Variants in TBCEL observed in about 807,000 individuals in gnomAD.
TBCEL encodes tubulin-specific chaperone cofactor E-like protein.
Under a neutral mutation model 44.2 loss-of-function variants are expected in TBCEL, and 15 were observed. The ratio of observed to expected loss-of-function variants is 0.34; its 90% CI spans 0.23 to 0.52. The LOEUF (loss-of-function observed/expected upper bound fraction) is 0.52, where lower values mean the gene tolerates loss of function less well. TBCEL is among the 20% of genes least tolerant of loss of function. TBCEL has a pLI of 0.95. For synonymous variants in TBCEL, 171 were observed against 185.4 expected (o/e 0.92, Z 0.63); for missense variants, 319 against 506.3 (o/e 0.63, Z 3.55).
At chr11:121,072,998 T>A (rs1945964987) in intron 8 of TBCEL, among the ~76,000 whole-genome samples, 1 of 152,130 alleles carries the variant, frequency 6.6e-6, no homozygotes, top group South Asian at 2.1e-4. Flanking sequence ...CCTGTTCTAT[T>A]CCATTGGTGT....
chr11:121,032,893 T>A (rs1945168939), intron 1 of TBCEL, among the ~76,000 whole-genome samples: 1 of 152,222 alleles, frequency 6.6e-6, no homozygotes, highest in African/African-American at 2.4e-5. Flanking sequence ...CAAGTATTGA[T>A]TTTGTTGTAA....
intron 3 of TBCEL, 39 bp downstream of exon 3, chr11:121,045,862 C>A: frequency 6.6e-7 from 1 of 1,507,380 alleles, no homozygotes; most frequent in South Asian, 1.4e-5. Flanking sequence ...TTTAGTGGAG[C>A]TTACTTAGGA....
intron 2 of TBCEL, among the ~76,000 whole-genome samples, chr11:121,042,216 T>C (rs1213904759): frequency 6.6e-6 from 1 of 152,196 alleles, no homozygotes; most frequent in African/African-American, 2.4e-5. Flanking sequence ...TTTTATTCTT[T>C]TGAACTGCTG....
intron 8 of TBCEL, among the ~76,000 whole-genome samples, chr11:121,070,431 T>C (rs1248292943): frequency 1.3e-5 from 2 of 152,188 alleles, no homozygotes; most frequent in East Asian, 3.9e-4. Flanking sequence ...CTGTTCACGA[T>C]AGCAAAGACT....
chr11:121,066,264 G>A (rs1945818835), intron 8 of TBCEL, among the ~76,000 whole-genome samples: 1 of 152,140 alleles, frequency 6.6e-6, no homozygotes, highest in African/African-American at 2.4e-5. Context: ...TCTGTATCTT[G>A]TGAATAATCT....
At position 121,087,861 on chromosome 11, in the gene TBCEL, T is replaced by C. The variant is rs1169006283; in HGVS notation, c.*765T>C. The C allele has an allele frequency of 6.6e-6, 1 of 152,236 alleles. No homozygotes were observed. Among genetic ancestry groups the C allele is most frequent in the Non-Finnish European group, 1.5e-5 (1 of 68,030 alleles). 9.4% of individuals were successfully genotyped at this position (152,236 alleles called of 1,614,324 possible). A position where few individuals can be genotyped will look rare whatever the true frequency, so the allele number is the denominator to read the frequency against. On this transcript the variant is annotated 3_prime_UTR_variant, in exon 9 of 9. Transcript: ENST00000683345. ...TCTGATCTCTTTGTATGTTACTAACTCACTTTTAATGTCCCTGTACATTAT... is the reference window on the plus strand; with the variant it reads ...TCTGATCTCTTTGTATGTTACTAACCCACTTTTAATGTCCCTGTACATTAT...
Position 121,058,382 on chromosome 11 carries a change from A to G in TBCEL, c.750A>G (p.Ser250=). The change falls in exon 7 of 9, where the codon TCA becomes TCG. Residue 250 remains serine (S), a synonymous_variant. Coordinates refer to ENST00000683345, the MANE Select transcript of TBCEL (RefSeq NM_001363644.2). Reference sequence around the variant, plus strand: ...GGGAAGACATTGATAAACTAAATTCATTTCCCAAACTGGAAGAAGTGAGAT... The same window carrying G: ...GGGAAGACATTGATAAACTAAATTCGTTTCCCAAACTGGAAGAAGTGAGAT... ...QSWEDIDKLN[S]FPKLEEVRLL... 6.8e-6 allele frequency: 11 copies of G among 1,611,844 alleles called. No individual in the cohort carries two copies. The highest frequency in any genetic ancestry group is 7.6e-6 in the Non-Finnish European group (9 of 1,178,362).
At chr11:121,024,615 T>C (rs1945012775) in intron 1 of TBCEL, among the ~76,000 whole-genome samples, 1 of 152,118 alleles carries the variant, frequency 6.6e-6, no homozygotes, top group Non-Finnish European at 1.5e-5. Flanking sequence ...TGGGAGAATC[T>C]AGGCGTCTCA....
rs748449919 is a variant in TBCEL, at chr11:121,086,766, T to G, written c.957-12T>G. ...TAGTTTAAGCTGACAGTGTTGTTTT[T>G]AATCCTTCTAGGTATCATGAACTGA... On this transcript the variant is annotated splice_polypyrimidine_tract_variant and intron_variant, in intron 8 of 8. Coordinates refer to ENST00000683345, the MANE Select transcript of TBCEL (RefSeq NM_001363644.2). 1 of 1,597,944 alleles carries G rather than the reference T, an allele frequency of 6.3e-7. No homozygotes were observed. The highest frequency in any genetic ancestry group is 1.3e-5 in the African/African-American group (1 of 74,172).
intron 8 of TBCEL, among the ~76,000 whole-genome samples, chr11:121,065,949 ACTATTGCCT>A (rs566866244): frequency 1.5e-3 from 228 of 152,334 alleles, no homozygotes; most frequent in Non-Finnish European, 2.6e-3. Context: ...TACCTGAGGA[ACTATTGCCT>A]CTAATCCACT....
intron 6 of TBCEL, among the ~76,000 whole-genome samples, chr11:121,057,214 A>G (rs1034337075): frequency 5.9e-5 from 9 of 151,804 alleles, no homozygotes; most frequent in Non-Finnish European, 1.0e-4. Context: ...GAGACCTCAT[A>G]AATTGCTCCT....
rs780223091 is a variant in TBCEL at position 121,053,554 on chromosome 11, A to G, written c.277A>G (p.Ser93Gly). 16 of 1,611,708 alleles carry G rather than the reference A, an allele frequency of 9.9e-6. No individual in the cohort carries two copies. The Admixed American group carries it at 1.2e-4, about 12-fold the overall frequency. Reference sequence around the variant, plus strand: ...GCTTTTCTTTTTTTCTCCTTAGGTCAGTAAAATTGTGTCAAATGTTCCTCA... The same window carrying G: ...GCTTTTCTTTTTTTCTCCTTAGGTCGGTAAAATTGTGTCAAATGTTCCTCA... ...DNKLEDWHEV[S>G]KIVSNVPQLE... is the part of the protein sequence containing the mutation. The change falls in exon 5 of 9, where the codon AGT becomes GGT. Residue 93 changes from serine to glycine, a missense_variant. Physicochemically the swap from Ser to Gly is moderately conservative, Grantham distance 56. Transcript: ENST00000683345.
intron 8 of TBCEL, among the ~76,000 whole-genome samples, chr11:121,069,132 C>G (rs556857206): frequency 6.6e-6 from 1 of 152,140 alleles, no homozygotes; most frequent in Non-Finnish European, 1.5e-5. Flanking sequence ...TTTCTTGTCA[C>G]TTATCAACAC....
chr11:121,028,115 G>A (rs1283862311), intron 1 of TBCEL, among the ~76,000 whole-genome samples: 1 of 143,812 alleles, frequency 7.0e-6, no homozygotes, highest in Non-Finnish European at 1.5e-5. Flanking sequence ...TGAGGCCAGA[G>A]GATCACGAGC....
chr11:121,058,888 A>G (rs1945669596), intron 7 of TBCEL, among the ~76,000 whole-genome samples: 1 of 151,982 alleles, frequency 6.6e-6, no homozygotes, highest in Non-Finnish European at 1.5e-5. Context: ...AGAGGGCAGC[A>G]TCTGCATTTT....
intron 8 of TBCEL, among the ~76,000 whole-genome samples, chr11:121,061,734 C>A (rs1488691827): frequency 1.3e-5 from 2 of 151,988 alleles, no homozygotes; most frequent in Non-Finnish European, 2.9e-5. Flanking sequence ...GGGTACTTAC[C>A]ACGAAAATCT....
Position 121,053,676 on chromosome 11 carries a change from C to T in TBCEL, c.399C>T (p.Leu133=). 2 of 1,612,160 alleles carry T rather than the reference C, an allele frequency of 1.2e-6. No individual in the cohort carries two copies. Among genetic ancestry groups the T allele is most frequent in the Non-Finnish European group, 1.7e-6 (2 of 1,178,882 alleles). The part of the protein sequence containing the change: ...GSFSGVRKLV[L]NNSKASWETV... Reference sequence around the variant, plus strand: ...TCTCTGGGGTTCGCAAACTTGTCCTCAACAACAGCAAAGCTTCTTGGGAGA... The same window carrying T: ...TCTCTGGGGTTCGCAAACTTGTCCTTAACAACAGCAAAGCTTCTTGGGAGA... Residue 133 remains leucine (L), a synonymous_variant, in exon 5 of 9, where the codon CTC becomes CTT. Transcript: ENST00000683345.
At chr11:121,028,149 G>A (rs1317228846) in intron 1 of TBCEL, among the ~76,000 whole-genome samples, 1 of 152,224 alleles carries the variant, frequency 6.6e-6, no homozygotes, top group Middle Eastern at 3.4e-3. Flanking sequence ...GCTTCAGTGA[G>A]CTATGATTAC....
chr11:121,069,956 TAAGTG>T (rs1195606949), intron 8 of TBCEL, among the ~76,000 whole-genome samples: 2 of 152,148 alleles, frequency 1.3e-5, no homozygotes, highest in Non-Finnish European at 2.9e-5. Flanking sequence ...GTTGGGAAGT[TAAGTG>T]GAGAGATTTT....
Sources: gnomAD v4.1 joint callset for allele counts (sites outside exome capture counted in the v4.1 genomes callset) on GRCh38, gnomAD v4.1.1 for gene constraint, MANE v1.5 for transcripts, NCBI Gene and HGNC (gene_info 2026-07-23, HGNC 2026-07-21) for gene names.